The following USP10 variants were observed in gnomAD, a reference collection of about 807,000 sequenced individuals.
USP10 encodes the protein ubiquitin carboxyl-terminal hydrolase 10.
A neutral mutation model predicts 84.5 loss-of-function variants in USP10; 22 were observed. The ratio of observed to expected loss-of-function variants is 0.26; its 90% CI spans 0.19 to 0.37. The LOEUF (loss-of-function observed/expected upper bound fraction) is 0.37, where lower values mean the gene tolerates loss of function less well. Among genes scored for constraint, USP10 ranks in the 10% least tolerant of loss-of-function variants. The probability of loss-of-function intolerance (pLI) is 1.00; values close to 1 mark genes in which losing one functional copy is unlikely to be tolerated. For synonymous variants in USP10, 454 were observed against 387.6 expected (o/e 1.17, Z -2.01); for missense variants, 1,019 against 998.9 (o/e 1.02, Z -0.27).
intron 4 of USP10, among the ~76,000 whole-genome samples, chr16:84,747,114 T>G (rs1278909111): frequency 2.6e-5 from 4 of 152,230 alleles, no homozygotes; most frequent in African/African-American, 9.6e-5. Flanking sequence ...GACCGAAATG[T>G]TACGCCGCGC....
intron 9 of USP10, 77 bp from the exon 10 acceptor site, chr16:84,764,009 A>G (rs1277871269): frequency 1.0e-5 from 15 of 1,473,728 alleles, no homozygotes; most frequent in South Asian, 2.8e-5. Context: ...TAAAACTGCA[A>G]TCGACAGATC....
chr16:84,720,501 T>G (rs1778140238), intron 1 of USP10, among the ~76,000 whole-genome samples: 2 of 151,036 alleles, frequency 1.3e-5, no homozygotes, highest in African/African-American at 4.9e-5. Flanking sequence ...AGTGACTGAG[T>G]AATGATGGGA....
At chr16:84,777,265 A>G (rs1276758459) in intron 13 of USP10, among the ~76,000 whole-genome samples, 1 of 152,192 alleles carries the variant, frequency 6.6e-6, no homozygotes, top group African/African-American at 2.4e-5. Flanking sequence ...TAGAATGGTG[A>G]CATGCAGTCC....
intron 1 of USP10, among the ~76,000 whole-genome samples, chr16:84,716,967 T>A (rs1907102660): frequency 6.6e-6 from 1 of 152,232 alleles, no homozygotes; most frequent in South Asian, 2.1e-4. Context: ...GATAGCAGTG[T>A]GCTTGCTTCA....
At position 84,736,828 on chromosome 16, in the gene USP10, G is replaced by C. The variant is rs1258062486; in HGVS notation, c.90+3325G>C. The stretch of plus-strand genomic sequence containing the variant: ...TTTTGAGAGGGAGTCTCGCTCTCTC[G>C]CCCAGGCTGGACTGCAGGGGCGTGA... On this transcript the variant is annotated intron_variant, in intron 2 of 13. Coordinates refer to ENST00000219473, the MANE Select transcript of USP10 (RefSeq NM_005153.3). Among the ~76,000 whole-genome samples the C allele has an allele frequency of 3.3e-5, 5 of 152,112 alleles. No individual in the cohort carries two copies. In the East Asian group the frequency reaches 9.6e-4, roughly 29 times the overall value.
chr16:84,745,927 C>G lies in USP10; in HGVS notation c.1192+254C>G, dbSNP rs766573901. Among the ~76,000 whole-genome samples the G allele has an allele frequency of 2.4e-4, 36 of 152,322 alleles. 1 individual carries two copies. Among genetic ancestry groups the G allele is most frequent in the Non-Finnish European group, 4.4e-4 (30 of 68,026 alleles). The stretch of plus-strand genomic sequence containing the variant: ...GCAGTTCTTTTCTGTTGACAAGTTA[C>G]ATTTCCATTTCTTGCCTTTTGTTCA... On this transcript the variant is annotated intron_variant, in intron 4 of 13. Transcript: ENST00000219473.
At chr16:84,711,515 T>C (rs910685712) in intron 1 of USP10, among the ~76,000 whole-genome samples, 35 of 152,350 alleles carry the variant, frequency 2.3e-4, no homozygotes, top group African/African-American at 7.7e-4. Context: ...TCTCTTTTGC[T>C]GTTGTTGCTC....
intron 1 of USP10, among the ~76,000 whole-genome samples, chr16:84,705,476 C>A (rs1905362908): frequency 6.6e-6 from 1 of 152,014 alleles, no homozygotes; most frequent in Non-Finnish European, 1.5e-5. Context: ...CACGATCCGC[C>A]CACCTCGGCC....
intron 4 of USP10, among the ~76,000 whole-genome samples, chr16:84,748,338 C>CTT (rs1295200993): frequency 2.0e-5 from 3 of 151,946 alleles, no homozygotes; most frequent in Non-Finnish European, 4.4e-5. Context: ...GGGTCTCACT[C>CTT]TGTCGCCCAG....
In USP10 at chr16:84,756,296, T is replaced by C. The variant is rs577729771; in HGVS notation, c.1193-2420T>C. 2.6e-5 allele frequency among the ~76,000 whole-genome samples: 4 copies of C among 152,338 alleles called. No homozygotes were observed. The South Asian group carries it at 8.3e-4, about 32-fold the overall frequency. On this transcript the variant is annotated intron_variant, in intron 4 of 13. Transcript: ENST00000219473. ...GCCTTCAGCGAAAGGCAGCATGTTA[T>C]TTAACAAAGGTTTCAGCCACACACC...
chr16:84,752,936 C>T (rs1912103471), intron 4 of USP10, among the ~76,000 whole-genome samples: 1 of 152,046 alleles, frequency 6.6e-6, no homozygotes, highest in Admixed American at 6.5e-5. Flanking sequence ...ACAATCATTC[C>T]TCTTAAAATG....
chr16:84,713,099 T>C (rs1906524087), intron 1 of USP10, among the ~76,000 whole-genome samples: 1 of 152,236 alleles, frequency 6.6e-6, no homozygotes, highest in Non-Finnish European at 1.5e-5. Context: ...CCAGTGAACA[T>C]GGAAAGAGCT....
intron 4 of USP10, among the ~76,000 whole-genome samples, chr16:84,749,531 G>A (rs987503282): frequency 5.3e-5 from 8 of 151,658 alleles, no homozygotes; most frequent in African/African-American, 1.7e-4. Flanking sequence ...CTTGAGCCCG[G>A]GAGTTCGAGG....
chr16:84,764,939 A>AAAAAAAAAAAATATAT (rs370383030), intron 10 of USP10, among the ~76,000 whole-genome samples: 1 of 132,258 alleles, frequency 7.6e-6, no homozygotes, highest in East Asian at 2.4e-4. Flanking sequence ...GAGAAAAAAA[A>AAAAAAAAAAAATATAT]ATATATATAT....
chr16:84,700,081 A>G lies in USP10; in HGVS notation c.-10A>G. On this transcript the variant is annotated 5_prime_UTR_variant, in exon 1 of 14. Transcript: ENST00000219473. ...CGGAGGATCGCGGAGTCCCAATGAAACGGGCAGCCATGGCCCTCCACAGCC... is the reference window on the plus strand; with the variant it reads ...CGGAGGATCGCGGAGTCCCAATGAAGCGGGCAGCCATGGCCCTCCACAGCC... 1 of 1,371,484 alleles carries G rather than the reference A, an allele frequency of 7.3e-7. No homozygotes were observed. Among genetic ancestry groups the G allele is most frequent in the East Asian group, 4.0e-5 (1 of 25,244 alleles). 85.0% of individuals were successfully genotyped at this position (1,371,484 alleles called of 1,614,324 possible).
intron 1 of USP10, among the ~76,000 whole-genome samples, chr16:84,710,146 T>C (rs1179848050): frequency 6.6e-6 from 1 of 152,000 alleles, no homozygotes; most frequent in Non-Finnish European, 1.5e-5. Context: ...GGCGCATGTC[T>C]GTAATCCCAG....
At chr16:84,778,297 G>C (rs1340554233) in intron 13 of USP10, among the ~76,000 whole-genome samples, 1 of 152,110 alleles carries the variant, frequency 6.6e-6, no homozygotes, top group Non-Finnish European at 1.5e-5. Flanking sequence ...GTGTCTTTAG[G>C]ATAGATGGGC....
chr16:84,719,744 A>G (rs938662329), intron 1 of USP10, among the ~76,000 whole-genome samples: 1 of 152,236 alleles, frequency 6.6e-6, no homozygotes, highest in Non-Finnish European at 1.5e-5. Context: ...ATTTCAGACC[A>G]TATCCAGGAA....
chr16:84,755,927 G>A (rs1178711613), intron 4 of USP10, among the ~76,000 whole-genome samples: 1 of 151,988 alleles, frequency 6.6e-6, no homozygotes, highest in Non-Finnish European at 1.5e-5. Flanking sequence ...AAAATAACCT[G>A]CTCATCTGTT....
Sources: allele counts gnomAD v4.1 joint callset (sites outside exome capture counted in the v4.1 genomes callset), GRCh38; gene constraint gnomAD v4.1.1; transcripts MANE v1.5; gene names NCBI Gene and HGNC (gene_info 2026-07-23, HGNC 2026-07-21).